AFAP1: variants seen among roughly 807,000 people sequenced by gnomAD.
AFAP1 encodes the protein actin filament-associated protein 1.
A neutral mutation model predicts 93.9 loss-of-function variants in AFAP1; 75 were observed. The observed-to-expected ratio is 0.80, with a 90% CI of 0.66 to 0.97. AFAP1 has a LOEUF of 0.97. Among genes scored for constraint, AFAP1 ranks in the 50% least tolerant of loss-of-function variants. The pLI is 0.00. For missense variants in AFAP1, 1,201 were observed against 1,050.8 expected (o/e 1.14, Z -1.98); for synonymous variants, 517 against 430.7 (o/e 1.20, Z -2.48).
intron 4 of AFAP1, 24 bp downstream of exon 4, chr4:7,855,442 G>A (rs1307996337): frequency 3.3e-6 from 5 of 1,529,880 alleles, no homozygotes; most frequent in Middle Eastern, 1.7e-4. Context: ...AAGGCAGCAT[G>A]GCTGGGCAGG....
In AFAP1 at chr4:7,838,544, G is replaced by C. The variant is rs1469605181; in HGVS notation, c.706C>G (p.Gln236Glu). Residue 236 changes from glutamine to glutamate, a missense_variant, in exon 6 of 18, where the codon CAG becomes GAG. Transcript: ENST00000420658. ...CCTACCTTCAGCCACTGCTCGGCCT[G>C]TTCCTTGCTCTGGACGGCGAGAACA... is the stretch of plus-strand genomic sequence containing the variant. ...PLVLAVQSKEQAEQWLKVIKE... is the reference protein window; with the variant it reads ...PLVLAVQSKEEAEQWLKVIKE... The C allele has an allele frequency of 3.1e-6, 5 of 1,613,922 alleles. No homozygotes were observed. Among genetic ancestry groups the C allele is most frequent in the Admixed American group, 1.7e-5 (1 of 60,012 alleles).
intron 2 of AFAP1, among the ~76,000 whole-genome samples, chr4:7,870,600 T>G (rs1052045006): frequency 4.6e-5 from 7 of 151,894 alleles, no homozygotes; most frequent in African/African-American, 1.7e-4. Context: ...AATACTGCAG[T>G]GAGCAGTGAT....
intron 1 of AFAP1, among the ~76,000 whole-genome samples, chr4:7,907,750 A>T (rs1228774704): frequency 6.6e-6 from 1 of 152,234 alleles, no homozygotes; most frequent in African/African-American, 2.4e-5. Flanking sequence ...AATGTAAAAA[A>T]ATCTGAAACA....
intron 1 of AFAP1, among the ~76,000 whole-genome samples, chr4:7,923,837 T>C (rs1560238624): frequency 1.3e-5 from 2 of 152,094 alleles, no homozygotes; most frequent in South Asian, 4.1e-4. Flanking sequence ...CTAACCCTAA[T>C]CACCTCCCAA....
intron 1 of AFAP1, among the ~76,000 whole-genome samples, chr4:7,906,956 C>T (rs370802679): frequency 8.0e-5 from 12 of 149,804 alleles, no homozygotes; most frequent in East Asian, 7.9e-4. Context: ...GAGCTGAGGT[C>T]GCGCCACTGC....
At position 7,834,134 on chromosome 4, in the gene AFAP1, T is replaced by C. The variant is rs28685653; in HGVS notation, c.726+4390A>G. 1.3e-3 allele frequency among the ~76,000 whole-genome samples: 127 copies of C among 97,782 alleles called. 2 individuals are homozygous for C. Among genetic ancestry groups the C allele is most frequent in the Middle Eastern group, 0.01 (2 of 196 alleles). 64.1% of individuals were successfully genotyped at this position (97,782 alleles called of 152,430 possible). On this transcript the variant is annotated intron_variant, in intron 6 of 17. Coordinates refer to ENST00000420658, the MANE Select transcript of AFAP1 (RefSeq NM_001134647.2). ...ACACACACACACACACACACATATATACAATGGAATACTACTCAGCCATAA... is the reference window on the plus strand; with the variant it reads ...ACACACACACACACACACACATATACACAATGGAATACTACTCAGCCATAA...
At chr4:7,856,249 A>T (rs1715046494) in intron 3 of AFAP1, among the ~76,000 whole-genome samples, 2 of 149,124 alleles carry the variant, frequency 1.3e-5, no homozygotes, top group African/African-American at 4.9e-5. Flanking sequence ...TCATGTCACA[A>T]TTTTTTTTTT....
chr4:7,893,486 C>A (rs1371872901), intron 1 of AFAP1, among the ~76,000 whole-genome samples: 1 of 143,878 alleles, frequency 7.0e-6, no homozygotes, highest in African/African-American at 2.6e-5. Context: ...GAGGCTGAGG[C>A]AGGAGAATGG....
At chr4:7,926,697 C>T (rs1451317656) in intron 1 of AFAP1, among the ~76,000 whole-genome samples, 1 of 152,182 alleles carries the variant, frequency 6.6e-6, no homozygotes, top group Non-Finnish European at 1.5e-5. Context: ...TGTAGGGCCT[C>T]TTCCCTAGAA....
chr4:7,922,083 A>C (rs764096087), intron 1 of AFAP1, among the ~76,000 whole-genome samples: 8 of 152,232 alleles, frequency 5.3e-5, no homozygotes, highest in Non-Finnish European at 1.0e-4. Flanking sequence ...AGATCACGCC[A>C]GCCTGGCGAC....
At chr4:7,926,634 T>C (rs1720782545) in intron 1 of AFAP1, among the ~76,000 whole-genome samples, 1 of 152,210 alleles carries the variant, frequency 6.6e-6, no homozygotes, top group South Asian at 2.1e-4. Flanking sequence ...GACACTGCCA[T>C]GGGTGAAGCT....
chr4:7,831,525 C>A (rs1348172724), intron 6 of AFAP1, among the ~76,000 whole-genome samples: 1 of 152,152 alleles, frequency 6.6e-6, no homozygotes, highest in Non-Finnish European at 1.5e-5. Flanking sequence ...TTATTTCACC[C>A]CATCAGCGTC....
intron 1 of AFAP1, among the ~76,000 whole-genome samples, chr4:7,914,883 G>C (rs1479506934): frequency 1.3e-5 from 2 of 151,990 alleles, no homozygotes; most frequent in Non-Finnish European, 2.9e-5. Context: ...AAGTAGCTGG[G>C]ATTATGGGCG....
At position 7,838,604 on chromosome 4, in the gene AFAP1, C is replaced by G; in HGVS notation, c.646G>C (p.Glu216Gln). The G allele has an allele frequency of 6.2e-7, 1 of 1,614,140 alleles. No homozygotes were observed. The highest frequency in any genetic ancestry group is 8.5e-7 in the Non-Finnish European group (1 of 1,180,038). ...GTGCCCTGCTGAGTAATCTTCAGCT[C>G]GTGCTTCTTCTTTTTGCTGTCTTTC... ...IPKDSKKKKH[E>Q]LKITQQGTDP... Residue 216 changes from glutamate (E) to glutamine (Q), a missense_variant, in exon 6 of 18, where the codon GAG becomes CAG. Glu to Gln is a conservative substitution (Grantham distance 29, BLOSUM62 2). Coordinates refer to ENST00000420658, the MANE Select transcript of AFAP1 (RefSeq NM_001134647.2).
intron 2 of AFAP1, 56 bp from the exon 3 acceptor site, chr4:7,868,775 C>G: frequency 6.8e-7 from 1 of 1,472,898 alleles, no homozygotes; most frequent in Non-Finnish European, 9.4e-7. Context: ...GAGAAGGGTA[C>G]CACTAGCATC....
rs564030615 is a variant in AFAP1, at chr4:7,764,713, G to T, written c.2419-922C>A. 1.2e-4 allele frequency among the ~76,000 whole-genome samples: 19 copies of T among 152,366 alleles called. No individual in the cohort carries two copies. The East Asian group carries it at 3.5e-3, about 28-fold the overall frequency. On this transcript the variant is annotated intron_variant, in intron 17 of 17. Coordinates refer to ENST00000420658, the MANE Select transcript of AFAP1 (RefSeq NM_001134647.2). Reference sequence around the variant, plus strand: ...GCAGTGCCAGCACTGTGAAAGCAGGGACAGTGGGCACTGGGCAGGCACTGT... The same window carrying T: ...GCAGTGCCAGCACTGTGAAAGCAGGTACAGTGGGCACTGGGCAGGCACTGT...
intron 9 of AFAP1, among the ~76,000 whole-genome samples, chr4:7,808,487 C>CACCAAAAGGTAGCTGCTCAAAGATG (rs11267759): frequency 1.3e-4 from 19 of 144,086 alleles, no homozygotes; most frequent in East Asian, 5.8e-4. Flanking sequence ...CTGTTGTGGT[C>CACCAAAAGGTAGCTGCTCAAAGATG]ACCAAAAGGT....
intron 6 of AFAP1, among the ~76,000 whole-genome samples, chr4:7,824,963 C>T (rs1721296075): frequency 6.6e-6 from 1 of 152,132 alleles, no homozygotes; most frequent in Non-Finnish European, 1.5e-5. Context: ...AAGTCTGGTT[C>T]ATTAGTACTG....
intron 1 of AFAP1, among the ~76,000 whole-genome samples, chr4:7,922,368 T>C (rs1720484475): frequency 6.6e-6 from 1 of 152,182 alleles, no homozygotes; most frequent in Non-Finnish European, 1.5e-5. Flanking sequence ...AAAAATTAAT[T>C]CTAGCTTGGA....
Sources: allele counts gnomAD v4.1 joint callset (sites outside exome capture counted in the v4.1 genomes callset), GRCh38; gene constraint gnomAD v4.1.1; transcripts MANE v1.5; gene names NCBI Gene and HGNC (gene_info 2026-07-23, HGNC 2026-07-21).